GNAQ: variants seen among roughly 807,000 people sequenced by gnomAD.
The protein encoded by GNAQ is G protein subunit alpha q, also known as guanine nucleotide-binding protein G(q) subunit alpha.
Under a neutral mutation model 43.9 loss-of-function variants are expected in GNAQ, and 8 were observed. That is an observed-to-expected ratio of 0.18 (90% CI 0.11 to 0.33). The LOEUF (loss-of-function observed/expected upper bound fraction) is 0.33, where lower values mean the gene tolerates loss of function less well. GNAQ is among the 10% of genes least tolerant of loss of function. The pLI, the probability that GNAQ is intolerant of heterozygous loss-of-function variation, is 1.00. For missense variants in GNAQ, 158 were observed against 450.8 expected, an observed-to-expected ratio of 0.35 and a Z score of 5.88; for synonymous variants, 155 against 170.7, an observed-to-expected ratio of 0.91 and a Z score of 0.71.
intron 2 of GNAQ, among the ~76,000 whole-genome samples, chr9:77,892,484 C>T (rs1477764316): frequency 1.3e-5 from 2 of 152,182 alleles, no homozygotes; most frequent in African/African-American, 2.4e-5. Flanking sequence ...TAGGTCAATG[C>T]CCACTTTCAT....
chr9:77,743,926 G>A (rs1825693242), intron 5 of GNAQ, among the ~76,000 whole-genome samples: 2 of 152,118 alleles, frequency 1.3e-5, no homozygotes, highest in Admixed American at 1.3e-4. Flanking sequence ...CATAACAGCT[G>A]GCATAAAATA....
intron 2 of GNAQ, among the ~76,000 whole-genome samples, chr9:77,863,223 G>GAAGA (rs1827888816): frequency 1.3e-5 from 2 of 151,694 alleles, no homozygotes; most frequent in African/African-American, 4.9e-5. Flanking sequence ...AGGAAGGGAG[G>GAAGA]AAGGAAGAAA....
At chr9:78,020,112 C>T (rs1823889733) in intron 1 of GNAQ, among the ~76,000 whole-genome samples, 2 of 152,070 alleles carry the variant, frequency 1.3e-5, no homozygotes, top group African/African-American at 4.8e-5. Context: ...CTCCACTTTG[C>T]ATGAATCTAC....
chr9:77,830,276 C>A (rs184248421), intron 2 of GNAQ, among the ~76,000 whole-genome samples: 70 of 152,238 alleles, frequency 4.6e-4, no homozygotes, highest in Admixed American at 1.4e-3. Flanking sequence ...CTAATGCCCC[C>A]CCAAGTGGTC....
intron 2 of GNAQ, among the ~76,000 whole-genome samples, chr9:77,825,935 C>G (rs914272902): frequency 2.0e-5 from 3 of 152,052 alleles, no homozygotes; most frequent in Non-Finnish European, 4.4e-5. Context: ...CTACCTGATA[C>G]AGCAAAATTT....
At chr9:77,983,220 G>GCAACAGT (rs1390405247) in intron 1 of GNAQ, among the ~76,000 whole-genome samples, 1 of 152,206 alleles carries the variant, frequency 6.6e-6, no homozygotes, top group African/African-American at 2.4e-5. Context: ...CGTGCATGGT[G>GCAACAGT]ATAACATTTA....
intron 1 of GNAQ, among the ~76,000 whole-genome samples, chr9:77,946,514 C>G (rs1044000601): frequency 6.6e-6 from 1 of 152,196 alleles, no homozygotes; most frequent in African/African-American, 2.4e-5. Context: ...ACTAGTCAGT[C>G]AGTGCCTGCA....
chr9:77,883,937 A>G (rs564946849), intron 2 of GNAQ, among the ~76,000 whole-genome samples: 50 of 152,324 alleles, frequency 3.3e-4, no homozygotes, highest in Admixed American at 7.8e-4. Flanking sequence ...AATTCTTCTC[A>G]AGATTTTGGT....
chr9:77,894,876 TAAATA>T (rs1162394213), intron 2 of GNAQ, among the ~76,000 whole-genome samples: 24 of 151,986 alleles, frequency 1.6e-4, no homozygotes, highest in Admixed American at 1.4e-3. Context: ...TATTTTCTCT[TAAATA>T]AAATAACAAT....
chr9:77,925,544 G>A (rs1829058955), intron 1 of GNAQ, among the ~76,000 whole-genome samples: 1 of 152,054 alleles, frequency 6.6e-6, no homozygotes, highest in African/African-American at 2.4e-5. Flanking sequence ...CAATTAAAGG[G>A]ACCCATTTTG....
intron 2 of GNAQ, among the ~76,000 whole-genome samples, chr9:77,825,870 G>A (rs1020467821): frequency 6.6e-6 from 1 of 152,134 alleles, no homozygotes; most frequent in Non-Finnish European, 1.5e-5. Flanking sequence ...CCTATGCATG[G>A]GGAAGACTTG....
intron 2 of GNAQ, among the ~76,000 whole-genome samples, chr9:77,921,524 C>CT (rs1269568456): frequency 6.6e-6 from 1 of 152,184 alleles, no homozygotes; most frequent in Non-Finnish European, 1.5e-5. Context: ...CTAGAGGATA[C>CT]TGGAAGTGTG....
At chr9:77,824,148 A>G (rs995453511) in intron 2 of GNAQ, among the ~76,000 whole-genome samples, 4 of 152,190 alleles carry the variant, frequency 2.6e-5, no homozygotes, top group Non-Finnish European at 5.9e-5. Context: ...TTGACATATT[A>G]TGTATTTAAC....
At chr9:77,866,041 T>G (rs1827941932) in intron 2 of GNAQ, among the ~76,000 whole-genome samples, 1 of 152,224 alleles carries the variant, frequency 6.6e-6, no homozygotes, top group Non-Finnish European at 1.5e-5. Flanking sequence ...TAATAGATGT[T>G]TACATGAAGT....
At chr9:77,881,859 C>T (rs531965125) in intron 2 of GNAQ, among the ~76,000 whole-genome samples, 12 of 152,236 alleles carry the variant, frequency 7.9e-5, no homozygotes, top group African/African-American at 2.2e-4. Flanking sequence ...CATTATGGGC[C>T]GGGCATGGTG....
At position 77,763,146 on chromosome 9, in the gene GNAQ, A is replaced by AAC. The variant is rs1564103733; in HGVS notation, c.735+31316_735+31317insGT. 9.8e-4 allele frequency among the ~76,000 whole-genome samples: 145 copies of AAC among 147,992 alleles called. 3 individuals carry two copies. The South Asian group carries it at 0.03, about 30-fold the overall frequency. On this transcript the variant is annotated intron_variant, in intron 5 of 6. Transcript: ENST00000286548. ...AAAATAAACAAACAAACAAACAAAAAAAAAAAAAACAAAGGAAAAGGTAAG... is the reference window on the plus strand; with the variant it reads ...AAAATAAACAAACAAACAAACAAAAAACAAAAAAAAACAAAGGAAAAGGTAAG...
At chr9:77,798,347 A>C (rs1365262201) in intron 3 of GNAQ, among the ~76,000 whole-genome samples, 1 of 152,160 alleles carries the variant, frequency 6.6e-6, no homozygotes, top group Non-Finnish European at 1.5e-5. Context: ...CTTTAGACTC[A>C]CAAGAAGTTG....
chr9:77,921,798 A>C (rs1173420908), intron 2 of GNAQ, among the ~76,000 whole-genome samples: 1 of 152,148 alleles, frequency 6.6e-6, no homozygotes, highest in Admixed American at 6.5e-5. Flanking sequence ...CAAGGCCACC[A>C]CCTCTTTGAA....
At chr9:77,875,018 C>T (rs1828106094) in intron 2 of GNAQ, among the ~76,000 whole-genome samples, 1 of 152,024 alleles carries the variant, frequency 6.6e-6, no homozygotes, top group Non-Finnish European at 1.5e-5. Context: ...AACCCTCCCA[C>T]CTCTAACTGG....
Sources: gnomAD v4.1 joint callset for allele counts (sites outside exome capture counted in the v4.1 genomes callset) on GRCh38, gnomAD v4.1.1 for gene constraint, MANE v1.5 for transcripts, NCBI Gene and HGNC (gene_info 2026-07-23, HGNC 2026-07-21) for gene names.